The following SP1 variants were observed in gnomAD, a reference collection of about 807,000 sequenced individuals.
SP1 encodes transcription factor Sp1.
SP1 carries 6 observed loss-of-function variants against 66.3 expected under a neutral mutation model. That is an observed-to-expected ratio of 0.09 (90% CI 0.05 to 0.18). SP1 has a LOEUF of 0.18. SP1 is among the 10% of genes least tolerant of loss of function. The probability of loss-of-function intolerance (pLI) is 1.00; values close to 1 mark genes in which losing one functional copy is unlikely to be tolerated. For synonymous variants in SP1, 417 were observed against 360.8 expected (o/e 1.16, Z -1.77); for missense variants, 848 against 964.5 (o/e 0.88, Z 1.60).
rs941019733 is a variant in SP1, at chr12:53,411,896, C to G, written c.*656C>G. 2 of 152,270 alleles carry G rather than the reference C, an allele frequency of 1.3e-5. No individual in the cohort carries two copies. Among genetic ancestry groups the G allele is most frequent in the Middle Eastern group, 3.2e-3 (1 of 316 alleles). 9.4% of individuals were successfully genotyped at this position (152,270 alleles called of 1,614,324 possible). ...CATATATACATACATAATGTTTTTC[C>G]TTTCTTAATTTTGTCTTTTTGTTTG... is the stretch of plus-strand genomic sequence containing the variant. On this transcript the variant is annotated 3_prime_UTR_variant, in exon 6 of 6. Coordinates refer to ENST00000327443, the MANE Select transcript of SP1 (RefSeq NM_138473.3).
chr12:53,381,652 A>AT lies in SP1; in HGVS notation c.8-3dup. 6.3e-7 allele frequency: 1 copy of AT among 1,598,936 alleles called. No homozygotes were observed. Among genetic ancestry groups the AT allele is most frequent in the Non-Finnish European group, 8.5e-7 (1 of 1,173,896 alleles). ...AGTTTACGTTGTTTGTTTTTTAATT[A>AT]TTTTAGACCAAGATCACTCCATGGA... is the stretch of plus-strand genomic sequence containing the variant. On this transcript the variant is annotated splice_region_variant and splice_polypyrimidine_tract_variant and intron_variant, in intron 1 of 5. Transcript: ENST00000327443.
chr12:53,382,522 C>T lies in SP1; in HGVS notation c.575C>T (p.Thr192Ile). Reference sequence around the variant, plus strand: ...GGGCAACAGCTGCAGTTTGCTGCCACTGGGGCCCAAGTGCAGCAGGATGGT... The same window carrying T: ...GGGCAACAGCTGCAGTTTGCTGCCATTGGGGCCCAAGTGCAGCAGGATGGT... ...VDGQQLQFAATGAQVQQDGSG... is the reference protein window; with the variant it reads ...VDGQQLQFAAIGAQVQQDGSG... The change falls in exon 3 of 6, where the codon ACT (threonine) becomes ATT (isoleucine). Residue 192 changes from threonine (T) to isoleucine (I), a missense_variant. Transcript: ENST00000327443. 3 of 1,614,150 alleles carry T rather than the reference C, an allele frequency of 1.9e-6. No homozygotes were observed. The highest frequency in any genetic ancestry group is 1.7e-6 in the Non-Finnish European group (2 of 1,180,018).
intron 3 of SP1, among the ~76,000 whole-genome samples, chr12:53,397,578 C>G (rs1339336571): frequency 1.4e-5 from 2 of 139,582 alleles, no homozygotes; most frequent in Non-Finnish European, 3.1e-5. Context: ...GACTCTTTTT[C>G]CTTTTTTTTT....
chr12:53,411,189 C>T lies in SP1; in HGVS notation c.2307C>T (p.Val769=). The change falls in exon 6 of 6, where the codon GTC becomes GTT. Residue 769 remains valine (V), a synonymous_variant. Coordinates refer to ENST00000327443, the MANE Select transcript of SP1 (RefSeq NM_138473.3). ...IARLANSGIN[V]MQVADLQSIN... ...GTCTTGCCAACAGTGGCATCAACGT[C>T]ATGCAGGTGGCAGATCTGCAGTCCA... 1.2e-6 allele frequency: 2 copies of T among 1,613,866 alleles called. No individual in the cohort carries two copies. Among genetic ancestry groups the T allele is most frequent in the Non-Finnish European group, 1.7e-6 (2 of 1,180,022 alleles).
At chr12:53,407,401 C>A (rs1938768842) in intron 4 of SP1, among the ~76,000 whole-genome samples, 1 of 150,592 alleles carries the variant, frequency 6.6e-6, no homozygotes, top group East Asian at 2.0e-4. Flanking sequence ...ATTCTTGGCT[C>A]ACTGCAACCT....
chr12:53,392,077 G>A (rs7134628), intron 3 of SP1, among the ~76,000 whole-genome samples: 10,321 of 152,092 alleles, frequency 0.068, 495 homozygotes, highest in Non-Finnish European at 0.1. Flanking sequence ...GTGGAAATTG[G>A]GCAATATGAC....
chr12:53,396,296 G>C (rs1938487432), intron 3 of SP1, among the ~76,000 whole-genome samples: 1 of 144,744 alleles, frequency 6.9e-6, no homozygotes, highest in Admixed American at 6.9e-5. Context: ...AAAGCCAGGG[G>C]CGGTGGCTCA....
rs1012089673 is a variant in SP1 at position 53,415,502 on chromosome 12, A to T, written c.*4262A>T. ...CAGAAAGATTTTCTCCACAGTGTTCATTTGAAAGAGGAGTATTTTGTCCCA... is the reference window on the plus strand; with the variant it reads ...CAGAAAGATTTTCTCCACAGTGTTCTTTTGAAAGAGGAGTATTTTGTCCCA... On this transcript the variant is annotated 3_prime_UTR_variant, in exon 6 of 6. Transcript: ENST00000327443. The T allele has an allele frequency of 6.6e-6, 1 of 152,368 alleles. No individual in the cohort carries two copies. The highest frequency in any genetic ancestry group is 2.4e-5 in the African/African-American group (1 of 41,380). The allele number at this position is 152,368 out of a possible 1,614,324, so 9.4% of individuals were successfully genotyped here.
At chr12:53,385,022 C>T (rs1209045898) in intron 3 of SP1, among the ~76,000 whole-genome samples, 4 of 149,416 alleles carry the variant, frequency 2.7e-5, no homozygotes, top group South Asian at 2.1e-4. Context: ...TGGCTGGGCA[C>T]GGTGGCTCAC....
In SP1 at chr12:53,414,742, C is replaced by T. The variant is rs1194357906; in HGVS notation, c.*3502C>T. On this transcript the variant is annotated 3_prime_UTR_variant, in exon 6 of 6. Transcript: ENST00000327443. ...GAATACTGGAAGCTGCAGATCTTTG[C>T]TAGGACGCAATAAATTTATATACTT... The T allele has an allele frequency of 6.6e-6, 1 of 152,494 alleles. No individual in the cohort carries two copies. Among genetic ancestry groups the T allele is most frequent in the African/African-American group, 2.4e-5 (1 of 41,402 alleles). 9.4% of individuals were successfully genotyped at this position (152,494 alleles called of 1,614,324 possible). A position where few individuals can be genotyped will look rare whatever the true frequency, so the allele number is the denominator to read the frequency against.
At chr12:53,387,202 T>C (rs907068427) in intron 3 of SP1, among the ~76,000 whole-genome samples, 1 of 152,074 alleles carries the variant, frequency 6.6e-6, no homozygotes, top group African/African-American at 2.4e-5. Context: ...CCGCCCGCCT[T>C]GGCCTCCCAA....
chr12:53,384,947 T>C (rs903766998), intron 3 of SP1, among the ~76,000 whole-genome samples: 1 of 150,286 alleles, frequency 6.7e-6, no homozygotes, highest in African/African-American at 2.5e-5. Context: ...ATTGCACCAC[T>C]GCACTCCAGC....
chr12:53,408,954 CTCACGCCTGTAATCCCAG>C (rs1789192161), intron 4 of SP1, among the ~76,000 whole-genome samples: 2 of 151,884 alleles, frequency 1.3e-5, no homozygotes, highest in Admixed American at 1.3e-4. Context: ...AGTGCAGTGG[CTCACGCCTGTAATCCCAG>C]TACTTTGGGA....
At position 53,413,948 on chromosome 12, in the gene SP1, C is replaced by A. The variant is rs1938946263; in HGVS notation, c.*2708C>A. On this transcript the variant is annotated 3_prime_UTR_variant, in exon 6 of 6. Transcript: ENST00000327443. ...TTATTTCCACTTGCCCTGTTCTCTT[C>A]ACACCAAGGAAGCTCCAGATCCAGT... 1 of 152,164 alleles carries A rather than the reference C, an allele frequency of 6.6e-6. No homozygotes were observed. Among genetic ancestry groups the A allele is most frequent in the Non-Finnish European group, 1.5e-5 (1 of 68,040 alleles). 9.4% of individuals were successfully genotyped at this position (152,164 alleles called of 1,614,324 possible).
At chr12:53,391,407 C>T (rs1938349231) in intron 3 of SP1, among the ~76,000 whole-genome samples, 1 of 130,294 alleles carries the variant, frequency 7.7e-6, no homozygotes, top group Admixed American at 9.4e-5. Context: ...GGAGTGCAGT[C>T]TCCACCTCCT....
Position 53,404,866 on chromosome 12 carries a change from C to T in SP1, c.1676-1719C>T, listed in dbSNP as rs745347259. Among the ~76,000 whole-genome samples, 5 of 151,736 alleles carry T rather than the reference C, an allele frequency of 3.3e-5. No homozygotes were observed. The East Asian group carries it at 5.8e-4, about 18-fold the overall frequency. ...TTATTATTATTTGGCGACGAAGTCT[C>T]GCTCTGTCGGCCAGGCTGGAGTGCA... On this transcript the variant is annotated intron_variant, in intron 3 of 5. Transcript: ENST00000327443.
At chr12:53,397,253 C>T (rs897328195) in intron 3 of SP1, among the ~76,000 whole-genome samples, 2 of 151,926 alleles carry the variant, frequency 1.3e-5, no homozygotes, top group Non-Finnish European at 2.9e-5. Flanking sequence ...TCAAATGATC[C>T]GCTTGCCTCA....
At chr12:53,406,828 ATT>A (rs35249224) in intron 4 of SP1, 75 bp downstream of exon 4, 5,600 of 1,066,412 alleles carry the variant, frequency 5.3e-3, no homozygotes, top group African/African-American at 0.012. Flanking sequence ...AAGAAGATTA[ATT>A]TTTTTTTTTT....
intron 4 of SP1, among the ~76,000 whole-genome samples, chr12:53,408,409 T>C (rs1938799955): frequency 6.6e-6 from 1 of 150,616 alleles, no homozygotes; most frequent in Non-Finnish European, 1.5e-5. Context: ...GCTAATTTTG[T>C]ATTTTTAGTA....
Sources: gnomAD v4.1 joint callset for allele counts (sites outside exome capture counted in the v4.1 genomes callset) on GRCh38, gnomAD v4.1.1 for gene constraint, MANE v1.5 for transcripts, NCBI Gene and HGNC (gene_info 2026-07-23, HGNC 2026-07-21) for gene names.